Variants in CDH6 observed in about 807,000 individuals in gnomAD.
CDH6 encodes the protein cadherin 6.
In CDH6, 31 loss-of-function variants were observed where a neutral mutation model predicts 78.0. The ratio of observed to expected loss-of-function variants is 0.40; its 90% CI spans 0.30 to 0.54. The LOEUF (loss-of-function observed/expected upper bound fraction) is 0.54, where lower values mean the gene tolerates loss of function less well. Among genes scored for constraint, CDH6 ranks in the 20% least tolerant of loss-of-function variants. The pLI is 0.56. For missense variants in CDH6, 724 were observed against 975.9 expected (o/e 0.74, Z 3.44); for synonymous variants, 376 against 368.8 (o/e 1.02, Z -0.23).
intron 1 of CDH6, among the ~76,000 whole-genome samples, chr5:31,245,899 C>CTTTTT (rs71612205): frequency 3.1e-3 from 272 of 87,700 alleles, no homozygotes; most frequent in Non-Finnish European, 4.0e-3. Flanking sequence ...CTCTCTCTCT[C>CTTTTT]TTTTTTTTTT....
intron 7 of CDH6, among the ~76,000 whole-genome samples, chr5:31,312,131 T>C (rs771894539): frequency 6.6e-6 from 1 of 152,206 alleles, no homozygotes; most frequent in Non-Finnish European, 1.5e-5. Context: ...TTAGTGTTTT[T>C]CTTCCTCCAC....
At chr5:31,200,814 C>T (rs2111773514) in intron 1 of CDH6, among the ~76,000 whole-genome samples, 1 of 152,212 alleles carries the variant, frequency 6.6e-6, no homozygotes, top group East Asian at 1.9e-4. Context: ...ATTATATTCT[C>T]TTCTTTCTAT....
chr5:31,302,969 AAAG>A (rs1317106525), intron 6 of CDH6, among the ~76,000 whole-genome samples: 31 of 52,136 alleles, frequency 5.9e-4, no homozygotes, highest in Non-Finnish European at 1.6e-3. Context: ...GAAAGAAAAG[AAAG>A]AAAGAAAGAA....
intron 1 of CDH6, among the ~76,000 whole-genome samples, chr5:31,210,231 C>T (rs746332111): frequency 3.9e-5 from 6 of 152,068 alleles, no homozygotes; most frequent in Non-Finnish European, 7.4e-5. Context: ...AAGTCAGTAT[C>T]GCTGGGGGTG....
At chr5:31,283,822 T>G (rs1051478971) in intron 2 of CDH6, among the ~76,000 whole-genome samples, 1 of 150,832 alleles carries the variant, frequency 6.6e-6, no homozygotes, top group Non-Finnish European at 1.5e-5. Context: ...TCTCTTTTTT[T>G]TATTTTTTTT....
chr5:31,302,903 A>AAGAAAG (rs1348567460), intron 6 of CDH6, among the ~76,000 whole-genome samples: 1 of 90,424 alleles, frequency 1.1e-5, no homozygotes, highest in African/African-American at 3.8e-5. Flanking sequence ...AAGAAAGAAA[A>AAGAAAG]AAAGAAAGAA....
chr5:31,303,341 T>C (rs1044850365), intron 6 of CDH6, among the ~76,000 whole-genome samples: 4 of 151,860 alleles, frequency 2.6e-5, no homozygotes, highest in Admixed American at 6.6e-5. Flanking sequence ...AGGAAGAGAG[T>C]ACAGCAAGCA....
chr5:31,307,266 G>A (rs1293023954), intron 7 of CDH6, among the ~76,000 whole-genome samples: 3 of 152,196 alleles, frequency 2.0e-5, no homozygotes, highest in African/African-American at 2.4e-5. Flanking sequence ...TAGCTGCTAC[G>A]TGAAGAATAT....
intron 2 of CDH6, among the ~76,000 whole-genome samples, chr5:31,269,051 A>C (rs1016704229): frequency 1.3e-5 from 2 of 152,214 alleles, no homozygotes; most frequent in Non-Finnish European, 1.5e-5. Flanking sequence ...TTCCTTTGTG[A>C]AATCTGAAGA....
Position 31,267,448 on chromosome 5 carries a change from C to G in CDH6, c.-26C>G. ...ACTTCCAAGAGTGGGGCACTCACTACGCACAGACTCGACGGTGCCATCAGC... is the reference window on the plus strand; with the variant it reads ...ACTTCCAAGAGTGGGGCACTCACTAGGCACAGACTCGACGGTGCCATCAGC... On this transcript the variant is annotated 5_prime_UTR_variant, in exon 2 of 12. Coordinates refer to ENST00000265071, the MANE Select transcript of CDH6 (RefSeq NM_004932.4). 6.4e-7 allele frequency: 1 copy of G among 1,569,788 alleles called. No homozygotes were observed. Among genetic ancestry groups the G allele is most frequent in the Non-Finnish European group, 8.8e-7 (1 of 1,139,788 alleles).
At chr5:31,292,919 T>C (rs2149946994) in intron 2 of CDH6, among the ~76,000 whole-genome samples, 1 of 150,128 alleles carries the variant, frequency 6.7e-6, no homozygotes. Context: ...TAGTTAGGTC[T>C]AGGTACCATC....
chr5:31,198,447 G>A (rs10805562), intron 1 of CDH6, among the ~76,000 whole-genome samples: 138,558 of 152,182 alleles, frequency 0.91, 63,284 homozygotes, highest in East Asian at 1. Context: ...CTATCTTGTG[G>A]GAGAAACGAC....
At chr5:31,200,957 T>TGA in intron 1 of CDH6, among the ~76,000 whole-genome samples, 1 of 152,158 alleles carries the variant, frequency 6.6e-6, no homozygotes, top group East Asian at 1.9e-4. Context: ...CATTTAACTG[T>TGA]GAGATAACTG....
intron 1 of CDH6, among the ~76,000 whole-genome samples, chr5:31,211,979 GA>G (rs1740721359): frequency 6.6e-6 from 1 of 152,142 alleles, no homozygotes; most frequent in South Asian, 2.1e-4. Context: ...GTATGTGTGT[GA>G]AATTTGGAGA....
chr5:31,293,881 T>C (rs933102983), intron 2 of CDH6, 81 bp from the exon 3 acceptor site: 3 of 860,700 alleles, frequency 3.5e-6, no homozygotes, highest in African/African-American at 1.7e-5. Flanking sequence ...AAAGTTAATG[T>C]AGCATGCACC....
At chr5:31,251,388 T>C (rs1240910125) in intron 1 of CDH6, 2 of 152,270 alleles carry the variant, frequency 1.3e-5, no homozygotes. Flanking sequence ...GTCTGGACTA[T>C]ACAGGAACTG....
intron 1 of CDH6, among the ~76,000 whole-genome samples, chr5:31,255,000 A>AAATGC (rs545773660): frequency 2.3e-3 from 353 of 152,378 alleles, no homozygotes; most frequent in Non-Finnish European, 3.9e-3. Flanking sequence ...CTTTCTACAC[A>AAATGC]AATGCTCTTT....
At chr5:31,261,530 A>G (rs1341834294) in intron 1 of CDH6, among the ~76,000 whole-genome samples, 1 of 152,172 alleles carries the variant, frequency 6.6e-6, no homozygotes, top group Non-Finnish European at 1.5e-5. Flanking sequence ...TTATCTGAAG[A>G]AACAATTCAT....
At chr5:31,310,242 GA>G (rs2149956144) in intron 7 of CDH6, among the ~76,000 whole-genome samples, 1 of 115,698 alleles carries the variant, frequency 8.6e-6, no homozygotes, top group African/African-American at 2.9e-5. Context: ...ATGCAAGACT[GA>G]AATCCAGCAG....
Sources: allele counts gnomAD v4.1 joint callset (sites outside exome capture counted in the v4.1 genomes callset), GRCh38; gene constraint gnomAD v4.1.1; transcripts MANE v1.5; gene names NCBI Gene and HGNC (gene_info 2026-07-23, HGNC 2026-07-21).